Variants in SNTG1 observed in about 807,000 individuals in gnomAD.
SNTG1 encodes the protein syntrophin gamma 1.
A neutral mutation model predicts 74.7 loss-of-function variants in SNTG1; 39 were observed. That is an observed-to-expected ratio of 0.52 (90% CI 0.40 to 0.68). SNTG1 has a LOEUF of 0.68. Among genes scored for constraint, SNTG1 ranks in the 30% least tolerant of loss-of-function variants. The probability of loss-of-function intolerance (pLI) is 0.00; values close to 1 mark genes in which losing one functional copy is unlikely to be tolerated. For synonymous variants in SNTG1, 254 were observed against 217.1 expected, an observed-to-expected ratio of 1.17 and a Z score of -1.49; for missense variants, 685 against 609.5, an observed-to-expected ratio of 1.12 and a Z score of -1.30.
chr8:50,510,091 C>A (rs531500904), intron 9 of SNTG1, among the ~76,000 whole-genome samples: 2 of 152,250 alleles, frequency 1.3e-5, no homozygotes, highest in Admixed American at 1.3e-4. Context: ...TACATCCCAT[C>A]AATAACTAAT....
intron 18 of SNTG1, among the ~76,000 whole-genome samples, chr8:50,788,596 G>T (rs531067026): frequency 6.6e-6 from 1 of 151,964 alleles, no homozygotes; most frequent in South Asian, 2.1e-4. Flanking sequence ...AAAAAATTGC[G>T]GTCTCAGGCA....
chr8:50,126,848 G>A (rs1014280356), intron 1 of SNTG1, among the ~76,000 whole-genome samples: 6 of 152,096 alleles, frequency 3.9e-5, no homozygotes, highest in African/African-American at 1.4e-4. Flanking sequence ...TATTGAAGGT[G>A]AGTACCAGGC....
At chr8:50,331,991 T>G (rs142579596) in intron 2 of SNTG1, among the ~76,000 whole-genome samples, 3 of 152,232 alleles carry the variant, frequency 2.0e-5, no homozygotes, top group Non-Finnish European at 4.4e-5. Context: ...AAAATTATAG[T>G]ATCAGCAAAT....
At chr8:49,967,967 T>C (rs1811302880) in intron 1 of SNTG1, among the ~76,000 whole-genome samples, 1 of 152,198 alleles carries the variant, frequency 6.6e-6, no homozygotes, top group African/African-American at 2.4e-5. Flanking sequence ...GCGAGGGTAT[T>C]CTCCTCAGTC....
chr8:50,735,229 T>C (rs2095525276), intron 17 of SNTG1, among the ~76,000 whole-genome samples: 1 of 151,614 alleles, frequency 6.6e-6, no homozygotes, highest in South Asian at 2.1e-4. Context: ...AAGACACAGG[T>C]GGTTTAAAAG....
chr8:50,320,825 A>G (rs566977711), intron 2 of SNTG1, among the ~76,000 whole-genome samples: 1 of 152,202 alleles, frequency 6.6e-6, no homozygotes, highest in South Asian at 2.1e-4. Context: ...ATAGTTTCCA[A>G]AATTCTACTT....
At chr8:50,647,245 T>C (rs1262985743) in intron 13 of SNTG1, among the ~76,000 whole-genome samples, 1 of 152,064 alleles carries the variant, frequency 6.6e-6, no homozygotes, top group Non-Finnish European at 1.5e-5. Context: ...ATCTGCTCTA[T>C]GAATAATAGG....
chr8:50,408,103 C>G (rs2092902667), intron 4 of SNTG1, among the ~76,000 whole-genome samples: 1 of 152,160 alleles, frequency 6.6e-6, no homozygotes, highest in Non-Finnish European at 1.5e-5. Context: ...AGCTAGGAAA[C>G]AATGCCTAGG....
intron 1 of SNTG1, among the ~76,000 whole-genome samples, chr8:50,148,399 TTTTA>T (rs1338361218): frequency 6.6e-6 from 1 of 152,156 alleles, no homozygotes; most frequent in Non-Finnish European, 1.5e-5. Flanking sequence ...TAACTTTATT[TTTTA>T]TTTGTTTATT....
chr8:50,485,598 A>C (rs1449971386), intron 8 of SNTG1, among the ~76,000 whole-genome samples: 1 of 148,358 alleles, frequency 6.7e-6, no homozygotes, highest in East Asian at 2.0e-4. Flanking sequence ...AGGTTGCAAA[A>C]ATTTTCTCCC....
chr8:49,943,598 G>A (rs563773428), intron 1 of SNTG1, among the ~76,000 whole-genome samples: 1 of 152,292 alleles, frequency 6.6e-6, no homozygotes, highest in South Asian at 2.1e-4. Flanking sequence ...CTTCTCTTTT[G>A]TCCAATTTGC....
At chr8:50,183,042 C>G (rs1259099575) in intron 2 of SNTG1, among the ~76,000 whole-genome samples, 1 of 152,074 alleles carries the variant, frequency 6.6e-6, no homozygotes, top group Non-Finnish European at 1.5e-5. Context: ...ACGGTTTGCC[C>G]CAACTGACTG....
At chr8:50,665,568 T>C (rs771529098) in intron 15 of SNTG1, among the ~76,000 whole-genome samples, 3 of 152,054 alleles carry the variant, frequency 2.0e-5, no homozygotes, top group South Asian at 4.1e-4. Flanking sequence ...GCCAGAACTC[T>C]GTAGAGAAAT....
At chr8:50,762,395 T>A in intron 18 of SNTG1, 1 of 194,908 alleles carries the variant, frequency 5.1e-6, no homozygotes, top group Non-Finnish European at 1.1e-5. Flanking sequence ...TCATTCATGA[T>A]CTGAATTCTG....
chr8:50,470,552 G>T (rs919455096), intron 8 of SNTG1, among the ~76,000 whole-genome samples: 12 of 152,106 alleles, frequency 7.9e-5, no homozygotes, highest in African/African-American at 2.7e-4. Flanking sequence ...GGCGCGTCCA[G>T]AGTTGTTTGT....
intron 4 of SNTG1, among the ~76,000 whole-genome samples, chr8:50,415,360 T>A (rs993657991): frequency 2.6e-5 from 4 of 152,134 alleles, no homozygotes; most frequent in Non-Finnish European, 5.9e-5. Flanking sequence ...TCTATATTGT[T>A]CTGGAAATCA....
rs112731725 is a variant in SNTG1 at position 50,024,119 on chromosome 8, G to T, written c.-103+111888G>T. On this transcript the variant is annotated intron_variant, in intron 1 of 18. Transcript: ENST00000642720. The stretch of plus-strand genomic sequence containing the variant: ...GCAGTTGGTTGAGGGATCATACACA[G>T]AGAACAGGTGGGATAAAAAATGAGA... Among the ~76,000 whole-genome samples the T allele has an allele frequency of 6.6e-5, 10 of 152,266 alleles. 1 individual carries two copies. Among genetic ancestry groups the T allele is most frequent in the African/African-American group, 2.4e-4 (10 of 41,554 alleles).
chr8:50,644,953 G>A (rs4424266), intron 13 of SNTG1, among the ~76,000 whole-genome samples: 33,524 of 144,914 alleles, frequency 0.23, 4,499 homozygotes, highest in African/African-American at 0.36. Flanking sequence ...GATGAGGTCC[G>A]CTATGTTGCC....
At chr8:50,501,187 A>G (rs2093949021) in intron 8 of SNTG1, among the ~76,000 whole-genome samples, 1 of 151,928 alleles carries the variant, frequency 6.6e-6, no homozygotes, top group Non-Finnish European at 1.5e-5. Context: ...GTATGAGCCT[A>G]TATAGCGTGC....
Sources: gnomAD v4.1 joint callset for allele counts (sites outside exome capture counted in the v4.1 genomes callset) on GRCh38, gnomAD v4.1.1 for gene constraint, MANE v1.5 for transcripts, NCBI Gene and HGNC (gene_info 2026-07-23, HGNC 2026-07-21) for gene names.